FAF1: variants seen among roughly 807,000 people sequenced by gnomAD.
FAF1 encodes FAS-associated factor 1.
FAF1 carries 25 observed loss-of-function variants against 92.5 expected under a neutral mutation model. The ratio of observed to expected loss-of-function variants is 0.27; its 90% CI spans 0.20 to 0.38. The LOEUF is 0.38. Ranked by LOEUF, FAF1 falls within the 10% of genes least tolerant of loss-of-function variation. The pLI, the probability that FAF1 is intolerant of heterozygous loss-of-function variation, is 1.00. For missense variants in FAF1, 636 were observed against 793.3 expected, an observed-to-expected ratio of 0.80 and a Z score of 2.38; for synonymous variants, 234 against 273.2, an observed-to-expected ratio of 0.86 and a Z score of 1.42.
intron 12 of FAF1, among the ~76,000 whole-genome samples, chr1:50,578,287 T>G (rs1650845010): frequency 6.6e-6 from 1 of 152,178 alleles, no homozygotes; most frequent in Admixed American, 6.5e-5. Flanking sequence ...AAATTAAACA[T>G]GTGATATTTA....
rs533119205 is a variant in FAF1, at chr1:50,579,820, A to G, written c.1113+2798T>C. Among the ~76,000 whole-genome samples, 199 of 152,282 alleles carry G rather than the reference A, an allele frequency of 1.3e-3. 1 individual carries two copies. The highest frequency in any genetic ancestry group is 6.8e-3 in the Middle Eastern group (2 of 294). On this transcript the variant is annotated intron_variant, in intron 12 of 18. Coordinates refer to ENST00000396153, the MANE Select transcript of FAF1 (RefSeq NM_007051.3). ...GGTATTTAAGATATCTAATACTCAA[A>G]TATAACTTGTGATCCTTGAGTGGAT...
intron 18 of FAF1, among the ~76,000 whole-genome samples, chr1:50,468,081 C>A (rs1029832047): frequency 1.3e-5 from 2 of 151,920 alleles, no homozygotes; most frequent in Non-Finnish European, 2.9e-5. Flanking sequence ...TGGTGTCATG[C>A]ACCTGTGGTC....
chr1:50,668,126 G>T (rs1388583632), intron 7 of FAF1, among the ~76,000 whole-genome samples: 1 of 152,046 alleles, frequency 6.6e-6, no homozygotes, highest in Non-Finnish European at 1.5e-5. Flanking sequence ...TTAGTGTTGG[G>T]GTCTGCCATG....
intron 1 of FAF1, among the ~76,000 whole-genome samples, chr1:50,920,301 C>CAA (rs370759273): frequency 2.2e-5 from 2 of 90,926 alleles, no homozygotes; most frequent in African/African-American, 8.2e-5. Flanking sequence ...GACTCTGTCT[C>CAA]AAAAAAAAAA....
chr1:50,838,535 T>C (rs1003988638), intron 2 of FAF1, among the ~76,000 whole-genome samples: 1 of 146,408 alleles, frequency 6.8e-6, no homozygotes, highest in African/African-American at 2.5e-5. Flanking sequence ...AACATAATTT[T>C]ACATGTAGAA....
At chr1:50,515,049 A>T (rs1354682985) in intron 15 of FAF1, among the ~76,000 whole-genome samples, 1 of 152,154 alleles carries the variant, frequency 6.6e-6, no homozygotes, top group Admixed American at 6.5e-5. Flanking sequence ...CATTTATAAA[A>T]TATTTACTGC....
At chr1:50,490,749 A>G (rs1203126131) in intron 16 of FAF1, 84 bp from the exon 17 acceptor site, 4 of 893,340 alleles carry the variant, frequency 4.5e-6, no homozygotes, top group East Asian at 4.8e-5. Flanking sequence ...AGAAAAAAGA[A>G]AAGAGGAAAG....
At chr1:50,756,826 G>A (rs1660094267) in intron 4 of FAF1, among the ~76,000 whole-genome samples, 1 of 152,164 alleles carries the variant, frequency 6.6e-6, no homozygotes, top group African/African-American at 2.4e-5. Flanking sequence ...CAGATCTCAT[G>A]AGACTTATTC....
chr1:50,480,174 GTATT>G (rs1211939945), intron 17 of FAF1, among the ~76,000 whole-genome samples: 2 of 151,462 alleles, frequency 1.3e-5, no homozygotes, highest in Non-Finnish European at 2.9e-5. Flanking sequence ...AAATATGTGA[GTATT>G]TAAAGCATAT....
chr1:50,605,327 A>G (rs1393307321), intron 8 of FAF1, among the ~76,000 whole-genome samples: 1 of 152,190 alleles, frequency 6.6e-6, no homozygotes, highest in African/African-American at 2.4e-5. Context: ...GTTCTGAAGT[A>G]TTTTACGTCA....
At chr1:50,577,042 T>C (rs1255712741) in intron 12 of FAF1, among the ~76,000 whole-genome samples, 1 of 152,144 alleles carries the variant, frequency 6.6e-6, no homozygotes, top group East Asian at 1.9e-4. Context: ...ACTGATTTTA[T>C]CAGCATCATG....
chr1:50,748,259 G>A (rs1044390261), intron 4 of FAF1, among the ~76,000 whole-genome samples: 1 of 152,112 alleles, frequency 6.6e-6, no homozygotes, highest in Non-Finnish European at 1.5e-5. Context: ...ACTTTGGGAG[G>A]CCAAGGCAGG....
intron 18 of FAF1, among the ~76,000 whole-genome samples, chr1:50,458,563 C>A (rs754672156): frequency 2.9e-4 from 44 of 152,152 alleles, no homozygotes; most frequent in African/African-American, 9.9e-4. Context: ...CTGAATTCTA[C>A]GCAGCTCATC....
At chr1:50,917,680 AAAGG>A (rs1557588579) in intron 1 of FAF1, among the ~76,000 whole-genome samples, 4 of 150,706 alleles carry the variant, frequency 2.7e-5, no homozygotes, top group African/African-American at 7.3e-5. Flanking sequence ...AAAGGAAAGG[AAAGG>A]AAAGGAAAGG....
chr1:50,643,332 G>GT (rs948611478), intron 8 of FAF1, among the ~76,000 whole-genome samples: 260 of 146,132 alleles, frequency 1.8e-3, no homozygotes, highest in East Asian at 3.4e-3. Flanking sequence ...TTCCATTCTG[G>GT]TTTTTTTTTT....
intron 1 of FAF1, among the ~76,000 whole-genome samples, chr1:50,924,929 G>T (rs2124737389): frequency 6.6e-6 from 1 of 152,346 alleles, no homozygotes; most frequent in African/African-American, 2.4e-5. Context: ...GCTGCAGTGA[G>T]CTGAGATCGT....
chr1:50,754,246 T>C (rs1159881877), intron 4 of FAF1, among the ~76,000 whole-genome samples: 2 of 152,248 alleles, frequency 1.3e-5, no homozygotes, highest in Non-Finnish European at 2.9e-5. Flanking sequence ...CTGAGCTTAA[T>C]TTTGGGATGC....
intron 7 of FAF1, among the ~76,000 whole-genome samples, chr1:50,694,098 CCAG>C (rs1657081365): frequency 7.2e-6 from 1 of 138,100 alleles, no homozygotes; most frequent in Non-Finnish European, 1.5e-5. Flanking sequence ...AAAAAACTGA[CCAG>C]CAAAAAAACA....
intron 8 of FAF1, among the ~76,000 whole-genome samples, chr1:50,648,873 C>T (rs574164209): frequency 6.6e-6 from 1 of 152,286 alleles, no homozygotes; most frequent in East Asian, 1.9e-4. Flanking sequence ...TTGCGGTGAG[C>T]CAAGATCGTG....
Sources: gnomAD v4.1 joint callset for allele counts (sites outside exome capture counted in the v4.1 genomes callset) on GRCh38, gnomAD v4.1.1 for gene constraint, MANE v1.5 for transcripts, NCBI Gene and HGNC (gene_info 2026-07-23, HGNC 2026-07-21) for gene names.